Variants in GSG1L observed in about 807,000 individuals in gnomAD.
GSG1L encodes the protein germ cell-specific gene 1-like protein.
In GSG1L, 24 loss-of-function variants were observed where a neutral mutation model predicts 42.1. The ratio of observed to expected loss-of-function variants is 0.57; its 90% CI spans 0.41 to 0.80. The LOEUF (loss-of-function observed/expected upper bound fraction) is 0.80, where lower values mean the gene tolerates loss of function less well. GSG1L is among the 30% of genes least tolerant of loss of function. The pLI is 0.00. For synonymous variants in GSG1L, 215 were observed against 203.5 expected (o/e 1.06, Z -0.48); for missense variants, 445 against 472.2 (o/e 0.94, Z 0.53).
intron 3 of GSG1L, among the ~76,000 whole-genome samples, chr16:27,877,151 G>A (rs1349301995): frequency 6.6e-6 from 1 of 152,200 alleles, no homozygotes; most frequent in Non-Finnish European, 1.5e-5. Context: ...GGGTGGCAGA[G>A]CCCTGTCTTC....
At chr16:27,932,371 G>C (rs1216410913) in intron 2 of GSG1L, among the ~76,000 whole-genome samples, 1 of 152,086 alleles carries the variant, frequency 6.6e-6, no homozygotes, top group Non-Finnish European at 1.5e-5. Flanking sequence ...GGTTTCATTG[G>C]CTCACTGTTC....
In GSG1L at chr16:27,798,460, G is replaced by A. The variant is rs111444795; in HGVS notation, c.899-6993C>T. Among the ~76,000 whole-genome samples the A allele has an allele frequency of 5.9e-3, 891 of 152,276 alleles. 4 individuals are homozygous for A. The highest frequency in any genetic ancestry group is 0.016 in the African/African-American group (668 of 41,558). On this transcript the variant is annotated intron_variant, in intron 6 of 6. Transcript: ENST00000447459. ...GGTGTGAAATAGGTCCTTGGCAGGC[G>A]GATGAGGTTCTTCAGGAAGTGTGAA...
intron 6 of GSG1L, among the ~76,000 whole-genome samples, chr16:27,803,797 A>ATAGT (rs1441337393): frequency 2.7e-5 from 1 of 37,136 alleles, no homozygotes; most frequent in African/African-American, 1.0e-4. Flanking sequence ...ATATATATAG[A>ATAGT]TAGATAGATA....
intron 2 of GSG1L, among the ~76,000 whole-genome samples, chr16:27,931,511 G>A (rs2084657644): frequency 1.3e-5 from 2 of 152,214 alleles, no homozygotes; most frequent in African/African-American, 2.4e-5. Context: ...TGCATGTTGA[G>A]GCAATGAGAT....
At chr16:27,809,578 GAAA>G (rs33949097) in intron 5 of GSG1L, among the ~76,000 whole-genome samples, 3,357 of 145,966 alleles carry the variant, frequency 0.023, 64 homozygotes, top group Non-Finnish European at 0.036. Flanking sequence ...CCCCGTCTGA[GAAA>G]AAAAAAAAAA....
chr16:27,796,016 C>A (rs549815161), intron 6 of GSG1L, among the ~76,000 whole-genome samples: 1 of 152,290 alleles, frequency 6.6e-6, no homozygotes, highest in African/African-American at 2.4e-5. Flanking sequence ...ATGTACAGAT[C>A]GGGAAACTGA....
chr16:27,889,107 C>T (rs1709787), intron 2 of GSG1L, among the ~76,000 whole-genome samples: 91,430 of 151,846 alleles, frequency 0.6, 28,133 homozygotes, highest in Admixed American at 0.73. Context: ...CCTCAGCCTC[C>T]GTAGTAGTTG....
chr16:28,003,757 C>T (rs1330338460), intron 1 of GSG1L, among the ~76,000 whole-genome samples: 1 of 152,200 alleles, frequency 6.6e-6, no homozygotes, highest in Non-Finnish European at 1.5e-5. Context: ...AATCCCCACC[C>T]CCAACCCAAC....
chr16:27,954,578 C>G (rs1204589820), intron 2 of GSG1L, among the ~76,000 whole-genome samples: 1 of 152,180 alleles, frequency 6.6e-6, no homozygotes, highest in Admixed American at 6.5e-5. Flanking sequence ...GAGAGTTCCT[C>G]TTGCGGGAAA....
At chr16:28,025,081 C>A (rs146069770) in intron 1 of GSG1L, among the ~76,000 whole-genome samples, 1 of 152,326 alleles carries the variant, frequency 6.6e-6, no homozygotes, top group African/African-American at 2.4e-5. Flanking sequence ...AAGCCCCACT[C>A]CAAGGTTCTG....
At chr16:27,852,639 G>A (rs1406475507) in intron 3 of GSG1L, among the ~76,000 whole-genome samples, 1 of 152,200 alleles carries the variant, frequency 6.6e-6, no homozygotes, top group Non-Finnish European at 1.5e-5. Context: ...GGGCACGTGA[G>A]AGGTGAGAGA....
intron 1 of GSG1L, among the ~76,000 whole-genome samples, chr16:28,018,320 A>C (rs553845486): frequency 1.4e-4 from 22 of 152,214 alleles, no homozygotes; most frequent in Admixed American, 2.0e-4. Context: ...CAACATTAGG[A>C]ATCTAAGTCT....
At chr16:27,946,583 G>GAAAGAA (rs1567529756) in intron 2 of GSG1L, among the ~76,000 whole-genome samples, 17 of 24,910 alleles carry the variant, frequency 6.8e-4, no homozygotes, top group Admixed American at 1.0e-3. Flanking sequence ...GAAAGAAAGA[G>GAAAGAA]AGAGAGAGAG....
intron 1 of GSG1L, among the ~76,000 whole-genome samples, chr16:27,994,874 A>C (rs908482104): frequency 1.3e-5 from 2 of 152,182 alleles, no homozygotes; most frequent in South Asian, 2.1e-4. Context: ...GGTTTACAGG[A>C]ACAACATTCC....
At chr16:27,900,709 T>C (rs574064112) in intron 2 of GSG1L, among the ~76,000 whole-genome samples, 11 of 152,214 alleles carry the variant, frequency 7.2e-5, no homozygotes, top group African/African-American at 2.4e-4. Context: ...CCCTTTGGCA[T>C]CTGGTGAAGC....
At chr16:27,915,308 G>T (rs964614323) in intron 2 of GSG1L, among the ~76,000 whole-genome samples, 7 of 151,904 alleles carry the variant, frequency 4.6e-5, no homozygotes, top group African/African-American at 1.7e-4. Context: ...AAGAGCCAAG[G>T]GAGTCTGTGA....
Position 27,789,208 on chromosome 16 carries a change from G to A in GSG1L, c.*2162C>T, listed in dbSNP as rs183011268. Reference sequence around the variant, plus strand: ...ATGGATGGATGATAGATAGGTGTAAGGATAATGGATGGATAGATGATGAAT... The same window carrying A: ...ATGGATGGATGATAGATAGGTGTAAAGATAATGGATGGATAGATGATGAAT... On this transcript the variant is annotated 3_prime_UTR_variant, in exon 7 of 7. Coordinates refer to ENST00000447459, the MANE Select transcript of GSG1L (RefSeq NM_001109763.2). 4.6e-5 allele frequency: 7 copies of A among 152,254 alleles called. No homozygotes were observed. The East Asian group carries it at 1.4e-3, about 29-fold the overall frequency. 9.4% of individuals were successfully genotyped at this position (152,254 alleles called of 1,614,324 possible). A position where few individuals can be genotyped will look rare whatever the true frequency, so the allele number is the denominator to read the frequency against.
chr16:27,985,305 G>A (rs776698167), intron 1 of GSG1L, among the ~76,000 whole-genome samples: 4 of 152,104 alleles, frequency 2.6e-5, no homozygotes, highest in Non-Finnish European at 5.9e-5. Context: ...GTTTGCTGCC[G>A]TCCTCATGGT....
At chr16:27,984,178 C>A (rs2085354872) in intron 1 of GSG1L, among the ~76,000 whole-genome samples, 1 of 152,154 alleles carries the variant, frequency 6.6e-6, no homozygotes, top group African/African-American at 2.4e-5. Context: ...TGTTTGTAAG[C>A]CCTTATTAAT....
Sources: gnomAD v4.1 joint callset for allele counts (sites outside exome capture counted in the v4.1 genomes callset) on GRCh38, gnomAD v4.1.1 for gene constraint, MANE v1.5 for transcripts, NCBI Gene and HGNC (gene_info 2026-07-23, HGNC 2026-07-21) for gene names.